Variants in PDE4D observed in about 807,000 individuals in gnomAD.
The protein encoded by PDE4D is phosphodiesterase 4D.
In PDE4D, 24 loss-of-function variants were observed where a neutral mutation model predicts 87.4. That is an observed-to-expected ratio of 0.27 (90% CI 0.20 to 0.39). The LOEUF is 0.39. Among genes scored for constraint, PDE4D ranks in the 10% least tolerant of loss-of-function variants. PDE4D has a pLI of 1.00. For synonymous variants in PDE4D, 384 were observed against 383.2 expected, an observed-to-expected ratio of 1.00 and a Z score of -0.02; for missense variants, 714 against 1,041.0, an observed-to-expected ratio of 0.69 and a Z score of 4.32.
intron 1 of PDE4D, among the ~76,000 whole-genome samples, chr5:60,311,723 C>T (rs183916724): frequency 2.0e-4 from 30 of 152,236 alleles, no homozygotes; most frequent in Non-Finnish European, 2.6e-4. Flanking sequence ...TCAATGTTAA[C>T]CTTGAGTGTA....
chr5:60,248,359 G>A (rs1748035487), intron 1 of PDE4D, among the ~76,000 whole-genome samples: 1 of 152,050 alleles, frequency 6.6e-6, no homozygotes, highest in Admixed American at 6.6e-5. Context: ...TGCAAGATAA[G>A]GACAGAGAAG....
intron 1 of PDE4D, among the ~76,000 whole-genome samples, chr5:59,547,318 G>C (rs1817440529): frequency 6.6e-6 from 1 of 152,060 alleles, no homozygotes. Flanking sequence ...AAAAGGGGCA[G>C]TATATACATA....
chr5:59,687,846 C>G (rs1056755957), intron 1 of PDE4D, among the ~76,000 whole-genome samples: 1 of 151,976 alleles, frequency 6.6e-6, no homozygotes, highest in African/African-American at 2.4e-5. Flanking sequence ...GAGACACACA[C>G]AGGCTCAAAA....
chr5:60,347,505 A>G (rs1758833876), intron 1 of PDE4D, among the ~76,000 whole-genome samples: 1 of 152,124 alleles, frequency 6.6e-6, no homozygotes. Context: ...TGCATATTTT[A>G]TTTCCAGCAA....
intron 1 of PDE4D, among the ~76,000 whole-genome samples, chr5:60,493,583 ATCAT>A (rs56333350): frequency 0.24 from 36,353 of 149,492 alleles, 4,640 homozygotes; most frequent in Non-Finnish European, 0.27. Context: ...TCTATACACA[ATCAT>A]TCATTCATTC....
At chr5:59,335,832 A>G (rs1046712772) in intron 1 of PDE4D, among the ~76,000 whole-genome samples, 12 of 152,232 alleles carry the variant, frequency 7.9e-5, no homozygotes, top group African/African-American at 2.9e-4. Flanking sequence ...AAATAGTTCA[A>G]AAGACTCCAG....
At chr5:60,249,842 T>C (rs1014870993) in intron 1 of PDE4D, among the ~76,000 whole-genome samples, 2 of 151,968 alleles carry the variant, frequency 1.3e-5, no homozygotes, top group Non-Finnish European at 2.9e-5. Flanking sequence ...TCCAGGATAT[T>C]AAGCTAGGTA....
chr5:60,485,731 C>A (rs1001449298), intron 1 of PDE4D, among the ~76,000 whole-genome samples: 29 of 152,116 alleles, frequency 1.9e-4, no homozygotes, highest in African/African-American at 7.0e-4. Context: ...CTTTCCCCAC[C>A]ATGCCTTGCC....
intron 1 of PDE4D, among the ~76,000 whole-genome samples, chr5:59,403,619 T>C (rs928219129): frequency 5.3e-5 from 8 of 152,146 alleles, no homozygotes; most frequent in African/African-American, 1.9e-4. Flanking sequence ...TACATCCATG[T>C]TGTTGCAAAT....
chr5:60,217,857 C>T (rs1744043171), intron 1 of PDE4D, among the ~76,000 whole-genome samples: 1 of 151,856 alleles, frequency 6.6e-6, no homozygotes, highest in Non-Finnish European at 1.5e-5. Flanking sequence ...TACTACCACA[C>T]ATCCACCAGA....
chr5:59,131,524 G>C (rs1203025528), intron 5 of PDE4D, among the ~76,000 whole-genome samples: 2 of 151,656 alleles, frequency 1.3e-5, no homozygotes, highest in African/African-American at 4.9e-5. Context: ...TGAACAGCAC[G>C]GGCGTGTGGT....
chr5:59,808,682 T>C lies in PDE4D; in HGVS notation c.455+84486A>G, dbSNP rs868521422. ...CATCAAAAGTTTCAAAGAACCCTTTTCCCCAGATACCGAGAGATTTTGGCC... is the reference window on the plus strand; with the variant it reads ...CATCAAAAGTTTCAAAGAACCCTTTCCCCCAGATACCGAGAGATTTTGGCC... On this transcript the variant is annotated intron_variant, in intron 1 of 14. Transcript: ENST00000340635. Among the ~76,000 whole-genome samples, 3 of 152,282 alleles carry C rather than the reference T, an allele frequency of 2.0e-5. No homozygotes were observed. The Middle Eastern group carries it at 0.01, about 518-fold the overall frequency.
At chr5:59,465,426 C>T (rs1192988297) in intron 1 of PDE4D, among the ~76,000 whole-genome samples, 1 of 152,192 alleles carries the variant, frequency 6.6e-6, no homozygotes, top group East Asian at 1.9e-4. Context: ...CTCATTGTTA[C>T]ATCCTAGGAG....
intron 1 of PDE4D, among the ~76,000 whole-genome samples, chr5:59,284,125 C>A (rs189267114): frequency 6.6e-6 from 1 of 152,122 alleles, no homozygotes; most frequent in Non-Finnish European, 1.5e-5. Flanking sequence ...TTCTTTTACC[C>A]CTCTTTTTGA....
At chr5:59,819,642 G>A (rs1379075610) in intron 1 of PDE4D, among the ~76,000 whole-genome samples, 1 of 152,136 alleles carries the variant, frequency 6.6e-6, no homozygotes, top group Non-Finnish European at 1.5e-5. Context: ...AGGTATGACT[G>A]TACAAAATCT....
At chr5:59,167,516 C>T (rs1229853168) in intron 5 of PDE4D, among the ~76,000 whole-genome samples, 1 of 152,170 alleles carries the variant, frequency 6.6e-6, no homozygotes, top group Non-Finnish European at 1.5e-5. Flanking sequence ...CTCAGCCCTC[C>T]ACTTTCTCAT....
intron 1 of PDE4D, among the ~76,000 whole-genome samples, chr5:59,294,571 T>C (rs1161187517): frequency 6.6e-6 from 1 of 152,158 alleles, no homozygotes; most frequent in African/African-American, 2.4e-5. Flanking sequence ...TCCAGCCAAA[T>C]TGCTTTAGTT....
intron 1 of PDE4D, among the ~76,000 whole-genome samples, chr5:59,649,508 G>A (rs2150229471): frequency 6.6e-6 from 1 of 152,142 alleles, no homozygotes; most frequent in East Asian, 1.9e-4. Context: ...TGAGTAATGG[G>A]AAGCCAGAAG....
In PDE4D at chr5:60,310,232, A is replaced by G. The variant is rs114717865; in HGVS notation, c.-89-124545T>C. On this transcript the variant is annotated intron_variant, in intron 1 of 16. Coordinates refer to the PDE4D transcript ENST00000502484. Reference sequence around the variant, plus strand: ...CCTGATAGTTATGAAATCAATGAAAACAATAATCCCACTTTACCAGCATTT... The same window carrying G: ...CCTGATAGTTATGAAATCAATGAAAGCAATAATCCCACTTTACCAGCATTT... 9.0e-3 allele frequency among the ~76,000 whole-genome samples: 1,368 copies of G among 152,284 alleles called. 19 individuals carry two copies. Among genetic ancestry groups the G allele is most frequent in the African/African-American group, 0.031 (1,281 of 41,538 alleles).
Sources: gnomAD v4.1 joint callset for allele counts (sites outside exome capture counted in the v4.1 genomes callset) on GRCh38, gnomAD v4.1.1 for gene constraint, MANE v1.5 for transcripts, NCBI Gene and HGNC (gene_info 2026-07-23, HGNC 2026-07-21) for gene names.